Variants in DLGAP4 observed in about 807,000 individuals in gnomAD.
DLGAP4 encodes the protein disks large-associated protein 4.
A neutral mutation model predicts 86.9 loss-of-function variants in DLGAP4; 18 were observed. That is an observed-to-expected ratio of 0.21 (90% confidence interval 0.14 to 0.31). The LOEUF (loss-of-function observed/expected upper bound fraction) is 0.31. Among genes scored for constraint, DLGAP4 ranks in the 10% least tolerant of loss-of-function variants. DLGAP4 has a pLI of 1.00. For synonymous variants in DLGAP4, 548 were observed against 574.3 expected, an observed-to-expected ratio of 0.95 and a Z score of 0.65; for missense variants, 1,085 against 1,362.6, an observed-to-expected ratio of 0.80 and a Z score of 3.21.
rs1295910360 is a variant in DLGAP4 at position 36,524,259 on chromosome 20, A to G, written c.2522A>G (p.Lys841Arg). ...ENNLSEEVLG[K>R]VLSAVGSAQL... Reference sequence around the variant, plus strand: ...ACCCTCTGTTTCTCAGTCTTAGGAAAAGTCCTCAGTGCTGTGGGCAGTGCC... The same window carrying G: ...ACCCTCTGTTTCTCAGTCTTAGGAAGAGTCCTCAGTGCTGTGGGCAGTGCC... Residue 841 changes from lysine to arginine, a missense_variant, in exon 11 of 13, where the codon AAA becomes AGA. Lys to Arg is a conservative substitution (Grantham distance 26). Transcript: ENST00000339266. 3 of 1,614,042 alleles carry G rather than the reference A, an allele frequency of 1.9e-6. No homozygotes were observed. The highest frequency in any genetic ancestry group is 2.7e-5 in the African/African-American group (2 of 74,930).
chr20:36,470,012 GA>G, intron 7 of DLGAP4, among the ~76,000 whole-genome samples: 1 of 152,096 alleles, frequency 6.6e-6, no homozygotes, highest in Non-Finnish European at 1.5e-5. Flanking sequence ...TAAATGAGAT[GA>G]AATAAAGTAA....
chr20:36,421,510 G>C (rs2032826829), intron 2 of DLGAP4, among the ~76,000 whole-genome samples: 1 of 151,868 alleles, frequency 6.6e-6, no homozygotes, highest in Non-Finnish European at 1.5e-5. Context: ...GGGAGTCTTT[G>C]AAAGGATCTG....
At chr20:36,352,491 G>A (rs1374801392) in intron 1 of DLGAP4, among the ~76,000 whole-genome samples, 2 of 152,014 alleles carry the variant, frequency 1.3e-5, no homozygotes, top group South Asian at 4.2e-4. Flanking sequence ...TTCTAGAGAT[G>A]TTTTGAAGGG....
intron 1 of DLGAP4, among the ~76,000 whole-genome samples, chr20:36,345,114 T>G (rs2029895767): frequency 6.6e-6 from 1 of 152,184 alleles, no homozygotes; most frequent in Non-Finnish European, 1.5e-5. Context: ...ATGGGGAAAC[T>G]GAGGCCTAGA....
chr20:36,391,515 A>C (rs1381617109), intron 2 of DLGAP4, among the ~76,000 whole-genome samples: 1 of 151,714 alleles, frequency 6.6e-6, no homozygotes, highest in Non-Finnish European at 1.5e-5. Flanking sequence ...TTGAAGTCCC[A>C]CCCCCTGCAT....
chr20:36,442,675 C>T, intron 5 of DLGAP4, 52 bp from the exon 6 acceptor site: 1 of 1,602,440 alleles, frequency 6.2e-7, no homozygotes, highest in South Asian at 1.1e-5. Flanking sequence ...GAATCCCCCA[C>T]CCCAGCCCCA....
intron 11 of DLGAP4, 54 bp from the exon 12 acceptor site, chr20:36,525,797 G>C: frequency 6.3e-7 from 1 of 1,599,976 alleles, no homozygotes. Flanking sequence ...GGGTTGGGGG[G>C]AGCAGGACAA....
chr20:36,476,596 TG>T (rs1278456842), intron 7 of DLGAP4, among the ~76,000 whole-genome samples: 3 of 150,990 alleles, frequency 2.0e-5, no homozygotes, highest in African/African-American at 4.9e-5. Context: ...CCCAAAGTGT[TG>T]GGATTACAGG....
At chr20:36,412,979 CTTTTTTTT>C (rs71184093) in intron 2 of DLGAP4, among the ~76,000 whole-genome samples, 12 of 110,860 alleles carry the variant, frequency 1.1e-4, no homozygotes, top group African/African-American at 2.6e-4. Context: ...GAACTCTTTT[CTTTTTTTT>C]TTTTTTTTTT....
chr20:36,379,875 A>G (rs889958664), intron 2 of DLGAP4, among the ~76,000 whole-genome samples: 7 of 152,234 alleles, frequency 4.6e-5, no homozygotes, highest in African/African-American at 1.7e-4. Flanking sequence ...AATACCCAGA[A>G]GATTATTATT....
chr20:36,517,860 A>T (rs529764417), intron 10 of DLGAP4, among the ~76,000 whole-genome samples: 4 of 152,192 alleles, frequency 2.6e-5, no homozygotes, highest in African/African-American at 7.2e-5. Context: ...GTCCTGTTGT[A>T]GTTTTAAGGT....
At chr20:36,459,996 G>A (rs2033982086) in intron 7 of DLGAP4, among the ~76,000 whole-genome samples, 1 of 152,228 alleles carries the variant, frequency 6.6e-6, no homozygotes, top group Non-Finnish European at 1.5e-5. Context: ...CCTTGGTCCA[G>A]TTTCTCTCCA....
chr20:36,398,716 G>C (rs945877739), intron 2 of DLGAP4, among the ~76,000 whole-genome samples: 1 of 152,202 alleles, frequency 6.6e-6, no homozygotes, highest in Non-Finnish European at 1.5e-5. Flanking sequence ...AAACCAGAGA[G>C]GTTGAGTAAC....
chr20:36,313,190 CGTGCA>C (rs1290320273), intron 1 of DLGAP4, among the ~76,000 whole-genome samples: 6 of 152,128 alleles, frequency 3.9e-5, no homozygotes, highest in African/African-American at 1.4e-4. Context: ...AGGCTGACTG[CGTGCA>C]GTGACGCAGC....
intron 2 of DLGAP4, among the ~76,000 whole-genome samples, chr20:36,369,076 G>A (rs1005895632): frequency 2.6e-5 from 4 of 152,194 alleles, no homozygotes; most frequent in Non-Finnish European, 5.9e-5. Flanking sequence ...TCAGCATCGC[G>A]TGGAAAGATG....
chr20:36,436,074 C>A, intron 3 of DLGAP4, 35 bp from the exon 4 acceptor site: 1 of 1,515,434 alleles, frequency 6.6e-7, no homozygotes, highest in Non-Finnish European at 8.8e-7. Flanking sequence ...TCATTTTCTG[C>A]GGTGGCCCCA....
intron 1 of DLGAP4, among the ~76,000 whole-genome samples, chr20:36,345,745 C>T (rs1348244620): frequency 1.3e-5 from 2 of 152,054 alleles, no homozygotes; most frequent in African/African-American, 2.4e-5. Context: ...CAGGGGCTGC[C>T]TCCTCCTGAT....
chr20:36,415,919 T>A (rs777614809), intron 2 of DLGAP4, among the ~76,000 whole-genome samples: 7 of 152,046 alleles, frequency 4.6e-5, no homozygotes, highest in Non-Finnish European at 7.4e-5. Flanking sequence ...CAACTCAGAC[T>A]TTTCCTAGGT....
chr20:36,395,588 T>C (rs2031923398), intron 2 of DLGAP4, among the ~76,000 whole-genome samples: 1 of 152,068 alleles, frequency 6.6e-6, no homozygotes, highest in Non-Finnish European at 1.5e-5. Context: ...AACCTCCGCC[T>C]CCCAGGTTCA....
Sources: gnomAD v4.1 joint callset for allele counts (sites outside exome capture counted in the v4.1 genomes callset) on GRCh38, gnomAD v4.1.1 for gene constraint, MANE v1.5 for transcripts, NCBI Gene and HGNC (gene_info 2026-07-23, HGNC 2026-07-21) for gene names.